SNRPN: variants seen among roughly 807,000 people sequenced by gnomAD.
SNRPN encodes small nuclear ribonucleoprotein-associated protein N.
SNRPN carries 7 observed loss-of-function variants against 25.2 expected under a neutral mutation model. The ratio of observed to expected loss-of-function variants is 0.28; its 90% CI spans 0.16 to 0.52. SNRPN has a LOEUF of 0.52. Among genes scored for constraint, SNRPN ranks in the 20% least tolerant of loss-of-function variants. The pLI is 0.96. For missense variants in SNRPN, 196 were observed against 322.5 expected, an observed-to-expected ratio of 0.61 and a Z score of 3.00; for synonymous variants, 124 against 110.6, an observed-to-expected ratio of 1.12 and a Z score of -0.76.
At chr15:24,841,494 A>T (rs1230838819) in intron 2 of SNRPN, among the ~76,000 whole-genome samples, 1 of 152,140 alleles carries the variant, frequency 6.6e-6, no homozygotes, top group East Asian at 1.9e-4. Flanking sequence ...TTATTCTCCT[A>T]AAAGGACCCA....
At chr15:24,909,103 A>T (rs1595843291) in intron 2 of SNRPN, 1 of 1,367,358 alleles carries the variant, frequency 7.3e-7, no homozygotes, top group East Asian at 2.3e-5. Flanking sequence ...GAGCTTCCTT[A>T]TACATTTCCT....
rs1430382050 is a variant in SNRPN, at chr15:24,967,938, G to C, written c.-288G>C. On this transcript the variant is annotated 5_prime_UTR_variant, in exon 3 of 10. Transcript: ENST00000390687. ...TATTGTGCTCTTGTTGTAGGTGTCA[G>C]TTGTACCCGAGGCGTTCTCAGCAGC... is the stretch of plus-strand genomic sequence containing the variant. 1.9e-6 allele frequency: 3 copies of C among 1,613,816 alleles called. No homozygotes were observed. Among genetic ancestry groups the C allele is most frequent in the Non-Finnish European group, 2.5e-6 (3 of 1,179,886 alleles).
chr15:24,909,576 G>T lies in SNRPN; in HGVS notation c.-504-10435G>T, dbSNP rs1040733465. The T allele has an allele frequency of 1.4e-4, 184 of 1,336,604 alleles. 1 individual carries two copies. In the Middle Eastern group the frequency reaches 1.5e-3, roughly 11 times the overall value. 82.8% of individuals were successfully genotyped at this position (1,336,604 alleles called of 1,614,324 possible). A position where few individuals can be genotyped will look rare whatever the true frequency, so the allele number is the denominator to read the frequency against. On this transcript the variant is annotated intron_variant, in intron 2 of 11. Transcript: ENST00000400097. ...CCAACCTTCACACCATATTTTGGCA[G>T]TTCGTGTGCATATGCTGTGCAGACT...
rs756286314 is a variant in SNRPN, at chr15:24,976,842, T to C, written c.268-35T>C. The C allele has an allele frequency of 3.1e-6, 5 of 1,588,432 alleles. No homozygotes were observed. In the Admixed American group the frequency reaches 9.1e-5, roughly 29 times the overall value. ...ATAAGAATACTGAGAACTTGTAAAT[T>C]GTTTGATTTTAGGCTATGAATTTTC... On this transcript the variant is annotated intron_variant, in intron 6 of 9. Coordinates refer to ENST00000390687, the MANE Select transcript of SNRPN (RefSeq NM_003097.6).
chr15:24,942,561 G>C (rs924941372), intron 3 of SNRPN: 2 of 152,230 alleles, frequency 1.3e-5, no homozygotes, highest in African/African-American at 4.8e-5. Context: ...GGAATACTAT[G>C]ATAGTGGTTA....
chr15:24,868,119 G>GTATA lies in SNRPN; in HGVS notation c.-579+11404_-579+11405insATAT, dbSNP rs1281653591. Among the ~76,000 whole-genome samples, 570 of 132,534 alleles carry GTATA rather than the reference G, an allele frequency of 4.3e-3. 2 individuals carry two copies. Among genetic ancestry groups the GTATA allele is most frequent in the African/African-American group, 0.016 (535 of 33,742 alleles). 86.9% of individuals were successfully genotyped at this position (132,534 alleles called of 152,430 possible). On this transcript the variant is annotated intron_variant, in intron 1 of 11. Transcript: ENST00000400097. The stretch of plus-strand genomic sequence containing the variant: ...TGTGTGCATGTATATGGGTGTGTGT[G>GTATA]TGTATATATATATATATACACACAC...
At chr15:24,837,812 C>A (rs940092497) in intron 2 of SNRPN, among the ~76,000 whole-genome samples, 2 of 151,942 alleles carry the variant, frequency 1.3e-5, no homozygotes, top group African/African-American at 2.4e-5. Context: ...GCAACCTCCG[C>A]CTCCTGGTTC....
At chr15:24,918,904 T>C (rs189298782) in intron 2 of SNRPN, among the ~76,000 whole-genome samples, 1,899 of 92,890 alleles carry the variant, frequency 0.02, 364 homozygotes, top group Middle Eastern at 0.074. Flanking sequence ...TATATATATG[T>C]GCACATATAT....
chr15:24,864,484 C>T (rs1366374778), intron 1 of SNRPN, among the ~76,000 whole-genome samples: 1 of 151,054 alleles, frequency 6.6e-6, no homozygotes, highest in East Asian at 2.0e-4. Flanking sequence ...GCTGGGATTA[C>T]AGGCGCCCGC....
At chr15:24,947,220 A>G (rs1260443607) in intron 3 of SNRPN, among the ~76,000 whole-genome samples, 1 of 152,220 alleles carries the variant, frequency 6.6e-6, no homozygotes, top group Non-Finnish European at 1.5e-5. Context: ...GCTTTTTTAA[A>G]AGACAAATAT....
intron 2 of SNRPN, among the ~76,000 whole-genome samples, chr15:24,889,283 G>A (rs1369399023): frequency 6.6e-6 from 1 of 151,784 alleles, no homozygotes; most frequent in Non-Finnish European, 1.5e-5. Flanking sequence ...GGTTTAGTCT[G>A]TAGCAAGTAA....
intron 3 of SNRPN, among the ~76,000 whole-genome samples, chr15:24,931,911 G>A (rs986449187): frequency 3.3e-5 from 5 of 150,834 alleles, no homozygotes; most frequent in African/African-American, 1.2e-4. Flanking sequence ...GAATAGGAGG[G>A]AGTTGAGTTG....
chr15:24,939,835 G>C (rs1449415678), intron 3 of SNRPN, among the ~76,000 whole-genome samples: 1 of 150,430 alleles, frequency 6.6e-6, no homozygotes, highest in Non-Finnish European at 1.5e-5. Flanking sequence ...TATCGCTCAG[G>C]CTGGAGTACA....
intron 3 of SNRPN, among the ~76,000 whole-genome samples, chr15:24,938,753 A>T (rs1424985860): frequency 2.6e-5 from 4 of 152,110 alleles, no homozygotes; most frequent in Non-Finnish European, 5.9e-5. Flanking sequence ...TGAGCATAGG[A>T]TGGGTTAGTT....
At chr15:24,862,817 A>G (rs2054116572) in intron 1 of SNRPN, among the ~76,000 whole-genome samples, 1 of 150,638 alleles carries the variant, frequency 6.6e-6, no homozygotes, top group African/African-American at 2.5e-5. Flanking sequence ...TCCACCAGAC[A>G]GGGGAGGTAA....
intron 3 of SNRPN, 114 bp downstream of exon 3, chr15:24,968,196 T>C (rs559617773): frequency 3.0e-6 from 2 of 676,606 alleles, no homozygotes; most frequent in South Asian, 1.7e-5. Context: ...CTTCATACAA[T>C]AAACACATTG....
At chr15:24,922,155 G>C (rs1191587004) in intron 3 of SNRPN, among the ~76,000 whole-genome samples, 1 of 152,096 alleles carries the variant, frequency 6.6e-6, no homozygotes. Context: ...GGAGGTTGCA[G>C]TGAGCCAAGA....
At chr15:24,910,725 C>T (rs2059158447) in intron 2 of SNRPN, 1 of 228,312 alleles carries the variant, frequency 4.4e-6, no homozygotes, top group African/African-American at 2.3e-5. Flanking sequence ...GAACTCCTGA[C>T]TTCGTGTTCC....
At chr15:24,974,732 C>T (rs1386795074) in intron 4 of SNRPN, 3 of 606,842 alleles carry the variant, frequency 4.9e-6, no homozygotes, top group Non-Finnish European at 5.8e-6. Flanking sequence ...CGTGCCTCAG[C>T]CTCTTTATTA....
Sources: gnomAD v4.1 joint callset for allele counts (sites outside exome capture counted in the v4.1 genomes callset) on GRCh38, gnomAD v4.1.1 for gene constraint, MANE v1.5 for transcripts, NCBI Gene and HGNC (gene_info 2026-07-23, HGNC 2026-07-21) for gene names.